ANKRD36: variants seen among roughly 807,000 people sequenced by gnomAD.
ANKRD36 encodes ankyrin repeat domain-containing protein 36A.
Under a neutral mutation model 278.1 loss-of-function variants are expected in ANKRD36, and 179 were observed. The ratio of observed to expected loss-of-function variants is 0.64; its 90% CI spans 0.57 to 0.73. The LOEUF is 0.73. ANKRD36 is among the 30% of genes least tolerant of loss of function. The probability of loss-of-function intolerance (pLI) is 0.00; values close to 1 mark genes in which losing one functional copy is unlikely to be tolerated. For synonymous variants in ANKRD36, 320 were observed against 641.1 expected, an observed-to-expected ratio of 0.50 and a Z score of 7.57; for missense variants, 1,159 against 1,956.7, an observed-to-expected ratio of 0.59 and a Z score of 7.69.
chr2:97,196,392 A>T (rs571912486), intron 40 of ANKRD36, among the ~76,000 whole-genome samples: 2 of 151,974 alleles, frequency 1.3e-5, no homozygotes, highest in South Asian at 4.2e-4. Flanking sequence ...TTGAAATTAT[A>T]AGGGTATATT....
chr2:97,228,610 G>T (rs536408331), intron 67 of ANKRD36, among the ~76,000 whole-genome samples: 3 of 151,656 alleles, frequency 2.0e-5, no homozygotes, highest in Admixed American at 6.6e-5. Flanking sequence ...TTAATTTTTT[G>T]AAGGGTTTTT....
Position 97,186,278 on chromosome 2 carries a change from C to T in ANKRD36, c.2041+768C>T, listed in dbSNP as rs78681105. Among the ~76,000 whole-genome samples, 20 of 151,144 alleles carry T rather than the reference C, an allele frequency of 1.3e-4. No homozygotes were observed. The East Asian group carries it at 1.6e-3, about 12-fold the overall frequency. On this transcript the variant is annotated intron_variant, in intron 30 of 75. Transcript: ENST00000420699. ...CTTCTTTCATCAAAGAGCTATCTCA[C>T]GGATAAAATAGCTATTTAATGAATA...
intron 67 of ANKRD36, among the ~76,000 whole-genome samples, chr2:97,225,155 G>A (rs1275291636): frequency 6.6e-6 from 1 of 151,610 alleles, no homozygotes; most frequent in Non-Finnish European, 1.5e-5. Flanking sequence ...TTATAATAAA[G>A]AAGGTAACAT....
chr2:97,124,413 C>A (rs1235745556), intron 4 of ANKRD36, 47 bp from the exon 5 acceptor site: 4 of 1,529,568 alleles, frequency 2.6e-6, no homozygotes, highest in Non-Finnish European at 3.5e-6. Context: ...ATAAACTTAG[C>A]TTTTAAAATG....
intron 75 of ANKRD36, among the ~76,000 whole-genome samples, chr2:97,261,200 A>G (rs2076719260): frequency 7.9e-6 from 1 of 126,452 alleles, no homozygotes; most frequent in Non-Finnish European, 1.5e-5. Context: ...CTTTCAGCCT[A>G]TCTGAGCTTT....
At chr2:97,117,188 G>T (rs1384631674) in intron 1 of ANKRD36, among the ~76,000 whole-genome samples, 6 of 150,706 alleles carry the variant, frequency 4.0e-5, no homozygotes, top group Non-Finnish European at 8.8e-5. Context: ...ATAACATTCT[G>T]TAAGTATTGA....
At position 97,229,543 on chromosome 2, in the gene ANKRD36, G is replaced by T. The variant is rs2153669983; in HGVS notation, c.3952-4187G>T. Among the ~76,000 whole-genome samples the T allele has an allele frequency of 1.3e-5, 2 of 152,194 alleles. 1 individual carries two copies. Among genetic ancestry groups the T allele is most frequent in the East Asian group, 3.9e-4 (2 of 5,108 alleles). ...AGTCTATGTGTGTCTCTGCACGTGA[G>T]ATGGGTTTCCTGAATACAGCACACT... On this transcript the variant is annotated intron_variant, in intron 67 of 75. Coordinates refer to ENST00000420699, the MANE Select transcript of ANKRD36 (RefSeq NM_001354587.1).
intron 58 of ANKRD36, 76 bp downstream of exon 58, chr2:97,211,817 G>T (rs1234040029): frequency 1.6e-5 from 24 of 1,465,308 alleles, no homozygotes; most frequent in Non-Finnish European, 1.9e-5. Context: ...TAAAACAGCG[G>T]GGGGTTCGTC....
chr2:97,197,449 T>A (rs530353266), intron 42 of ANKRD36, among the ~76,000 whole-genome samples: 1 of 152,086 alleles, frequency 6.6e-6, no homozygotes, highest in East Asian at 1.9e-4. Context: ...CTCTCCTTTG[T>A]TACTGTTAGA....
At chr2:97,185,291 A>G (rs756185041) in intron 28 of ANKRD36, 25 bp from the exon 29 acceptor site, 100 of 1,590,734 alleles carry the variant, frequency 6.3e-5, no homozygotes, top group Non-Finnish European at 7.9e-5. Context: ...CATATGAGTG[A>G]TTATGTATCC....
At chr2:97,200,628 C>G in intron 46 of ANKRD36, 103 bp downstream of exon 46, 1 of 1,496,326 alleles carries the variant, frequency 6.7e-7, no homozygotes, top group South Asian at 1.3e-5. Flanking sequence ...CGTTCTGATT[C>G]ACCAAGCTTG....
chr2:97,141,063 T>C (rs1237537089), intron 6 of ANKRD36, among the ~76,000 whole-genome samples: 1 of 151,064 alleles, frequency 6.6e-6, no homozygotes, highest in Non-Finnish European at 1.5e-5. Context: ...GAAAAAGTGT[T>C]TTTTTTTTCT....
intron 44 of ANKRD36, among the ~76,000 whole-genome samples, chr2:97,199,721 A>T (rs2060782240): frequency 6.6e-6 from 1 of 152,032 alleles, no homozygotes; most frequent in Non-Finnish European, 1.5e-5. Context: ...AGTGGATACA[A>T]GAAACTCAGG....
At chr2:97,198,097 T>C (rs1456006498) in intron 42 of ANKRD36, among the ~76,000 whole-genome samples, 1 of 151,908 alleles carries the variant, frequency 6.6e-6, no homozygotes, top group East Asian at 1.9e-4. Context: ...ATGAAAGACA[T>C]GTGGGTACAT....
rs1180314661 is a variant in ANKRD36 at position 97,187,379 on chromosome 2, G to A, written c.2121G>A (p.Lys707=). 1 of 1,598,552 alleles carries A rather than the reference G, an allele frequency of 6.3e-7. No individual in the cohort carries two copies. Among genetic ancestry groups the A allele is most frequent in the Non-Finnish European group, 8.5e-7 (1 of 1,171,434 alleles). The change falls in exon 32 of 76, where the codon AAG becomes AAA. Residue 707 remains lysine, a synonymous_variant. Transcript: ENST00000420699. ...TTTCGAATATAGCCACAGAAATAAA[G>A]GATGGAGAAAAATCTGGGACAGGTA... ...DSVSNIATEI[K]DGEKSGTVSS... is the part of the protein sequence containing the mutation.
rs1395747284 is a variant in ANKRD36, at chr2:97,216,599, T to C, written c.3674-578T>C. Reference sequence around the variant, plus strand: ...GGCAAATTATTACACCACGTGGGTGTGAGGAATAATAAATATTATCTACTC... The same window carrying C: ...GGCAAATTATTACACCACGTGGGTGCGAGGAATAATAAATATTATCTACTC... On this transcript the variant is annotated intron_variant, in intron 62 of 75. Transcript: ENST00000420699. 4 of 196,310 alleles carry C rather than the reference T, an allele frequency of 2.0e-5. No homozygotes were observed. In the East Asian group the frequency reaches 4.6e-4, roughly 23 times the overall value. The allele number at this position is 196,310 out of a possible 1,614,324, so 12.2% of individuals were successfully genotyped here. A position where few individuals can be genotyped will look rare whatever the true frequency, so the allele number is the denominator to read the frequency against.
chr2:97,215,008 T>C (rs1235652463), intron 60 of ANKRD36, among the ~76,000 whole-genome samples: 3 of 148,712 alleles, frequency 2.0e-5, no homozygotes, highest in African/African-American at 2.5e-5. Context: ...TAGACCACAT[T>C]TGTCCTCATC....
At chr2:97,235,531 C>T (rs1424582557) in intron 68 of ANKRD36, among the ~76,000 whole-genome samples, 1 of 142,176 alleles carries the variant, frequency 7.0e-6, no homozygotes. Context: ...TTAAATATCC[C>T]AAATCTGAAA....
rs1286150955 is a variant in ANKRD36 at position 97,188,982 on chromosome 2, C to T, written c.2144-105C>T. ...AAAGTAGAAGACATCAGAGCCTACA[C>T]TAGTACAGGCAGAAGGATACAGCTG... On this transcript the variant is annotated intron_variant, in intron 32 of 75. Transcript: ENST00000420699. 3 of 589,526 alleles carry T rather than the reference C, an allele frequency of 5.1e-6. 1 individual carries two copies. Among genetic ancestry groups the T allele is most frequent in the African/African-American group, 3.0e-5 (2 of 65,636 alleles). The allele number at this position is 589,526 out of a possible 1,614,324, so 36.5% of individuals were successfully genotyped here. A position where few individuals can be genotyped will look rare whatever the true frequency, so the allele number is the denominator to read the frequency against.
Sources: gnomAD v4.1 joint callset for allele counts (sites outside exome capture counted in the v4.1 genomes callset) on GRCh38, gnomAD v4.1.1 for gene constraint, MANE v1.5 for transcripts, NCBI Gene and HGNC (gene_info 2026-07-23, HGNC 2026-07-21) for gene names.